Variants in PDCD10 observed in about 807,000 individuals in gnomAD.
The protein encoded by PDCD10 is programmed cell death 10, also known as programmed cell death protein 10.
A neutral mutation model predicts 29.2 loss-of-function variants in PDCD10; 4 were observed. The observed-to-expected ratio is 0.14, with a 90% confidence interval of 0.07 to 0.31. The LOEUF (loss-of-function observed/expected upper bound fraction) is 0.31, where lower values mean the gene tolerates loss of function less well. Among genes scored for constraint, PDCD10 ranks in the 10% least tolerant of loss-of-function variants. The pLI, the probability that PDCD10 is intolerant of heterozygous loss-of-function variation, is 1.00. For missense variants in PDCD10, 183 were observed against 257.9 expected (o/e 0.71, Z 1.99); for synonymous variants, 70 against 82.2 (o/e 0.85, Z 0.80).
intron 3 of PDCD10, among the ~76,000 whole-genome samples, chr3:167,713,483 C>T (rs1722723282): frequency 6.6e-6 from 1 of 151,400 alleles, no homozygotes; most frequent in African/African-American, 2.4e-5. Flanking sequence ...AGAGAACAAA[C>T]AATTCAAATA....
chr3:167,688,739 A>G (rs1006382211), intron 6 of PDCD10, among the ~76,000 whole-genome samples: 3 of 152,194 alleles, frequency 2.0e-5, no homozygotes, highest in Admixed American at 2.0e-4. Context: ...AGAAATGAAT[A>G]AGATGGAAAT....
At chr3:167,687,443 A>G (rs1324889805) in intron 7 of PDCD10, 127 bp from the exon 8 acceptor site, 4 of 731,770 alleles carry the variant, frequency 5.5e-6, no homozygotes, top group South Asian at 1.5e-5. Flanking sequence ...CTAATAAGCA[A>G]TTGTGGAGTA....
rs953991667 is a variant in PDCD10 at position 167,726,074 on chromosome 3, C to T, written c.-116-5801G>A. On this transcript the variant is annotated intron_variant, in intron 2 of 8. Coordinates refer to ENST00000392750, the MANE Select transcript of PDCD10 (RefSeq NM_007217.4). Reference sequence around the variant, plus strand: ...CAGCTCATCTTAAAAGTTAACTGCACCATGTCAAGTGTATGCACTTACATA... The same window carrying T: ...CAGCTCATCTTAAAAGTTAACTGCATCATGTCAAGTGTATGCACTTACATA... Among the ~76,000 whole-genome samples, 9 of 149,750 alleles carry T rather than the reference C, an allele frequency of 6.0e-5. 1 individual carries two copies. The highest frequency in any genetic ancestry group is 1.3e-4 in the Admixed American group (2 of 15,038).
At chr3:167,690,207 C>A (rs1237201485) in intron 6 of PDCD10, among the ~76,000 whole-genome samples, 1 of 152,232 alleles carries the variant, frequency 6.6e-6, no homozygotes, top group South Asian at 2.1e-4. Flanking sequence ...AAACATTACA[C>A]TGAAAGGCAA....
At chr3:167,696,938 A>C (rs1720877979) in intron 5 of PDCD10, 71 bp downstream of exon 5, 4 of 848,874 alleles carry the variant, frequency 4.7e-6, no homozygotes, top group Non-Finnish European at 8.2e-6. Flanking sequence ...TCCTTTGGTC[A>C]AATAATAATG....
At chr3:167,699,988 TATAAA>T (rs969723798) in intron 4 of PDCD10, among the ~76,000 whole-genome samples, 4 of 152,210 alleles carry the variant, frequency 2.6e-5, no homozygotes, top group Admixed American at 1.3e-4. Flanking sequence ...TAGTATTTAC[TATAAA>T]ATAGATACAA....
At position 167,684,016 on chromosome 3, in the gene PDCD10, T is replaced by G. The variant is rs1719311870; in HGVS notation, c.*292A>C. The stretch of plus-strand genomic sequence containing the variant: ...AATGTCAGAAACAAACACCAATATT[T>G]ACAATTCTTTTAAGGAATGTTATAT... On this transcript the variant is annotated 3_prime_UTR_variant, in exon 9 of 9. Coordinates refer to ENST00000392750, the MANE Select transcript of PDCD10 (RefSeq NM_007217.4). The G allele has an allele frequency of 3.6e-6, 1 of 275,582 alleles. No individual in the cohort carries two copies. The highest frequency in any genetic ancestry group is 2.2e-5 in the African/African-American group (1 of 45,862). 17.1% of individuals were successfully genotyped at this position (275,582 alleles called of 1,614,324 possible).
intron 4 of PDCD10, among the ~76,000 whole-genome samples, chr3:167,698,182 AG>A (rs1394554094): frequency 1.3e-5 from 2 of 152,188 alleles, no homozygotes; most frequent in South Asian, 2.1e-4. Flanking sequence ...CAAAAACTGA[AG>A]GGTTGTGGGA....
intron 2 of PDCD10, among the ~76,000 whole-genome samples, chr3:167,724,371 A>G (rs1723878415): frequency 6.6e-6 from 1 of 152,222 alleles, no homozygotes; most frequent in South Asian, 2.1e-4. Context: ...TATAATTCCT[A>G]TAATTTCTCT....
chr3:167,731,462 T>C (rs566058643), intron 2 of PDCD10, among the ~76,000 whole-genome samples: 1 of 152,362 alleles, frequency 6.6e-6, no homozygotes, highest in Non-Finnish European at 1.5e-5. Context: ...CTCCTTTACA[T>C]ATAACCTAAA....
intron 6 of PDCD10, among the ~76,000 whole-genome samples, chr3:167,691,293 A>G (rs1720203273): frequency 1.3e-5 from 2 of 152,240 alleles, no homozygotes; most frequent in Admixed American, 6.5e-5. Flanking sequence ...ATACATATCA[A>G]CAAACTTGCC....
At chr3:167,688,425 T>C in intron 6 of PDCD10, among the ~76,000 whole-genome samples, 1 of 152,142 alleles carries the variant, frequency 6.6e-6, no homozygotes, top group Non-Finnish European at 1.5e-5. Context: ...ATCCTTTGAC[T>C]ATATATGCAT....
chr3:167,695,777 C>T, intron 5 of PDCD10, 55 bp from the exon 6 acceptor site: 4 of 1,556,298 alleles, frequency 2.6e-6, no homozygotes, highest in Non-Finnish European at 3.5e-6. Context: ...CCAAATTCAT[C>T]ACATCTAAGA....
At chr3:167,714,977 A>C (rs1722868332) in intron 3 of PDCD10, among the ~76,000 whole-genome samples, 1 of 151,860 alleles carries the variant, frequency 6.6e-6, no homozygotes, top group Admixed American at 6.6e-5. Flanking sequence ...CAGAATAGCC[A>C]AAAAGAATGA....
intron 3 of PDCD10, among the ~76,000 whole-genome samples, chr3:167,707,397 G>A (rs1170299479): frequency 1.3e-5 from 2 of 152,158 alleles, no homozygotes; most frequent in African/African-American, 4.8e-5. Context: ...AACACAGTAA[G>A]GCTGGGCACG....
At chr3:167,715,323 C>T (rs1282486364) in intron 3 of PDCD10, among the ~76,000 whole-genome samples, 2 of 151,904 alleles carry the variant, frequency 1.3e-5, no homozygotes, top group East Asian at 3.9e-4. Flanking sequence ...TACAGGAAAA[C>T]ATCCACAAAA....
chr3:167,701,937 A>G (rs1721487535), intron 4 of PDCD10, among the ~76,000 whole-genome samples: 2 of 152,308 alleles, frequency 1.3e-5, no homozygotes, highest in Admixed American at 6.5e-5. Flanking sequence ...CAAGATATGG[A>G]TATCAGAGAA....
In PDCD10 at chr3:167,720,101, A is replaced by G. The variant is rs779771380; in HGVS notation, c.57T>C (p.Ser19=). The G allele has an allele frequency of 6.2e-7, 1 of 1,612,512 alleles. No individual in the cohort carries two copies. Among genetic ancestry groups the G allele is most frequent in the African/African-American group, 1.3e-5 (1 of 75,004 alleles). ...KNEAETTSMV[S]MPLYAVMYPV... ...GATACATGACTGCATAGAGGGGCAT[A>G]GAAACCATGGATGTGGTCTCAGCTT... Residue 19 remains serine (S), a synonymous_variant, in exon 3 of 9, where the codon TCT becomes TCC. Coordinates refer to ENST00000392750, the MANE Select transcript of PDCD10 (RefSeq NM_007217.4).
intron 2 of PDCD10, among the ~76,000 whole-genome samples, chr3:167,728,752 AGTCT>A (rs1302452086): frequency 6.6e-6 from 1 of 152,194 alleles, no homozygotes; most frequent in African/African-American, 2.4e-5. Flanking sequence ...CTGCATAGTC[AGTCT>A]AAGTCAGCAA....
Sources: allele counts gnomAD v4.1 joint callset (sites outside exome capture counted in the v4.1 genomes callset), GRCh38; gene constraint gnomAD v4.1.1; transcripts MANE v1.5; gene names NCBI Gene and HGNC (gene_info 2026-07-23, HGNC 2026-07-21).